The following IL4R variants were observed in gnomAD, a reference collection of about 807,000 sequenced individuals.
The protein encoded by IL4R is interleukin-4 receptor subunit alpha.
Under a neutral mutation model 41.5 loss-of-function variants are expected in IL4R, and 17 were observed. The ratio of observed to expected loss-of-function variants is 0.41; its 90% confidence interval spans 0.28 to 0.61. The LOEUF is 0.61. Ranked by LOEUF, IL4R falls within the 20% of genes least tolerant of loss-of-function variation. IL4R has a pLI of 0.31. For missense variants in IL4R, 974 were observed against 1,043.1 expected (o/e 0.93, Z 0.91); for synonymous variants, 402 against 422.9 (o/e 0.95, Z 0.61).
chr16:27,358,152 C>T (rs140373475), intron 8 of IL4R, among the ~76,000 whole-genome samples: 1 of 152,274 alleles, frequency 6.6e-6, no homozygotes, highest in African/African-American at 2.4e-5. Context: ...CCTTGGCCTC[C>T]CAAAGTGCTG....
intron 5 of IL4R, 98 bp from the exon 6 acceptor site, chr16:27,346,369 A>C: frequency 2.3e-6 from 3 of 1,297,842 alleles, no homozygotes; most frequent in Non-Finnish European, 3.3e-6. Flanking sequence ...TTGTCGACCA[A>C]AAATCTGGGT....
chr16:27,340,225 C>A lies in IL4R; in HGVS notation c.22C>A (p.Leu8Ile). 1 of 1,613,942 alleles carries A rather than the reference C, an allele frequency of 6.2e-7. No homozygotes were observed. The highest frequency in any genetic ancestry group is 8.5e-7 in the Non-Finnish European group (1 of 1,179,964). The change falls in exon 3 of 11, where the codon CTC becomes ATC. Residue 8 changes from leucine to isoleucine, a missense_variant. Leu to Ile is a conservative substitution (Grantham distance 5). Around this residue, in one of 3 missense-constraint regions of IL4R, gnomAD observed 284 missense variants for 313.4 expected, o/e 0.91. Coordinates refer to ENST00000395762, the MANE Select transcript of IL4R (RefSeq NM_000418.4). The part of the protein sequence containing the change: MGWLCSG[L>I]LFPVSCLVLL... ...CCCAATGGGGTGGCTTTGCTCTGGG[C>A]TCCTGTTCCCTGTGAGCTGCCTGGT... is the stretch of plus-strand genomic sequence containing the variant.
intron 9 of IL4R, among the ~76,000 whole-genome samples, chr16:27,360,380 G>A (rs553374838): frequency 3.3e-5 from 5 of 152,316 alleles, no homozygotes; most frequent in African/African-American, 9.6e-5. Flanking sequence ...TCTCCAGCAG[G>A]CCGGCCCAGG....
intron 1 of IL4R, among the ~76,000 whole-genome samples, chr16:27,325,651 C>T (rs2084936144): frequency 6.6e-6 from 1 of 151,784 alleles, no homozygotes; most frequent in Non-Finnish European, 1.5e-5. Context: ...GCTTAAAGCA[C>T]CTAGGCCAGT....
chr16:27,342,110 T>C lies in IL4R; in HGVS notation c.71-11T>C. On this transcript the variant is annotated splice_polypyrimidine_tract_variant and intron_variant, in intron 3 of 10. Transcript: ENST00000395762. ...TCCTGGGCCGCTCAGGCTGCTCCTG[T>C]GTCTCCCCAGGGAACATGAAGGTCT... 6.2e-7 allele frequency: 1 copy of C among 1,613,668 alleles called. No individual in the cohort carries two copies. The highest frequency in any genetic ancestry group is 8.5e-7 in the Non-Finnish European group (1 of 1,179,786).
At chr16:27,344,366 A>C (rs2085552467) in intron 4 of IL4R, among the ~76,000 whole-genome samples, 1 of 63,644 alleles carries the variant, frequency 1.6e-5, no homozygotes, top group African/African-American at 6.7e-5. Flanking sequence ...CAAATAACCA[A>C]AAAAAAAAAA....
chr16:27,314,406 A>G (rs2084568387), intron 1 of IL4R, among the ~76,000 whole-genome samples: 1 of 152,218 alleles, frequency 6.6e-6, no homozygotes, highest in Non-Finnish European at 1.5e-5. Context: ...TCGGAGAGAG[A>G]AAGGGTGGGG....
intron 1 of IL4R, among the ~76,000 whole-genome samples, chr16:27,325,267 C>T (rs937951400): frequency 1.3e-5 from 2 of 152,062 alleles, no homozygotes; most frequent in African/African-American, 2.4e-5. Context: ...TCACCCCGCC[C>T]TCTCATAAGA....
chr16:27,361,049 G>A (rs550890174), intron 10 of IL4R: 3 of 1,413,798 alleles, frequency 2.1e-6, no homozygotes, highest in East Asian at 2.6e-5. Flanking sequence ...TGGGAGTGCT[G>A]TTATAGTTAA....
Position 27,364,213 on chromosome 16 carries a change from T to C in IL4R, c.*383T>C. 1 of 189,052 alleles carries C rather than the reference T, an allele frequency of 5.3e-6. No homozygotes were observed. Among genetic ancestry groups the C allele is most frequent in the Non-Finnish European group, 1.1e-5 (1 of 92,354 alleles). 11.7% of individuals were successfully genotyped at this position (189,052 alleles called of 1,614,324 possible). ...AAGGCATGTTTTGCCCACCAGATCA[T>C]GGCCCACGTGGAGGCCCACCTGCCT... On this transcript the variant is annotated 3_prime_UTR_variant, in exon 11 of 11. Transcript: ENST00000395762.
rs141753659 is a variant in IL4R at position 27,345,376 on chromosome 16, G to A, written c.361+356G>A. The stretch of plus-strand genomic sequence containing the variant: ...TCCATTCTGTGTCCACTGGTCAGCT[G>A]CTGCGGCTTTGGATGGTCTTGACCG... On this transcript the variant is annotated intron_variant, in intron 5 of 10. Coordinates refer to ENST00000395762, the MANE Select transcript of IL4R (RefSeq NM_000418.4). This position sits in a 1 kb window ranked among gnomAD's most constrained non-coding sequence, Gnocchi z 4.5. The A allele has an allele frequency of 8.9e-5, 35 of 391,262 alleles. 2 individuals carry two copies. Among genetic ancestry groups the A allele is most frequent in the South Asian group, 6.7e-4 (34 of 51,050 alleles). The allele number at this position is 391,262 out of a possible 1,614,324, so 24.2% of individuals were successfully genotyped here. A position where few individuals can be genotyped will look rare whatever the true frequency, so the allele number is the denominator to read the frequency against.
intron 2 of IL4R, among the ~76,000 whole-genome samples, chr16:27,336,946 C>G (rs1179064554): frequency 1.3e-5 from 2 of 151,238 alleles, no homozygotes; most frequent in Non-Finnish European, 3.0e-5. Context: ...GGTGTGTGGC[C>G]CATGCCTGTA....
chr16:27,362,663 A>C lies in IL4R; in HGVS notation c.1311A>C (p.Gly437=), dbSNP rs1432981916. ...AGTCATGCCTTCTTCCACCTTCGGG[A>C]AGTACGAGTGCTCACATGCCCTGGG... is the stretch of plus-strand genomic sequence containing the variant. ...MGESCLLPPS[G]STSAHMPWDE... is the part of the protein sequence containing the mutation. The change falls in exon 11 of 11, where the codon GGA becomes GGC. Residue 437 remains glycine (G), a synonymous_variant. Transcript: ENST00000395762. 6.2e-7 allele frequency: 1 copy of C among 1,614,072 alleles called. No individual in the cohort carries two copies. The highest frequency in any genetic ancestry group is 8.5e-7 in the Non-Finnish European group (1 of 1,179,996).
rs1596745900 is a variant in IL4R at position 27,320,554 on chromosome 16, G to A, written c.-152+6534G>A. Among the ~76,000 whole-genome samples, 3 of 152,158 alleles carry A rather than the reference G, an allele frequency of 2.0e-5. No homozygotes were observed. The East Asian group carries it at 5.8e-4, about 29-fold the overall frequency. On this transcript the variant is annotated intron_variant, in intron 1 of 10. Coordinates refer to ENST00000395762, the MANE Select transcript of IL4R (RefSeq NM_000418.4). ...CACGGCTCCTAAGTGGCAGAGTCCA[G>A]ATTCAAACCCAGGGCTACAGACCCA...
At chr16:27,334,242 G>A (rs777068932) in intron 2 of IL4R, 1 of 152,054 alleles carries the variant, frequency 6.6e-6, no homozygotes. Flanking sequence ...GTACTTGAAC[G>A]CGATAACCTG....
intron 10 of IL4R, 61 bp downstream of exon 10, chr16:27,360,876 G>A: frequency 6.2e-7 from 1 of 1,613,880 alleles, no homozygotes; most frequent in Non-Finnish European, 8.5e-7. Flanking sequence ...AATTGGAGAG[G>A]CAAGCCCCTA....
chr16:27,359,933 A>AGGCTGGGCTG (rs1200924179), intron 9 of IL4R: 1 of 208,782 alleles, frequency 4.8e-6, no homozygotes. Flanking sequence ...GTGGCGGGGG[A>AGGCTGGGCTG]GGCTGGGCTG....
rs910286128 is a variant in IL4R, at chr16:27,341,085, C to T, written c.70+812C>T. 9 of 681,162 alleles carry T rather than the reference C, an allele frequency of 1.3e-5. 1 individual carries two copies. The highest frequency in any genetic ancestry group is 6.0e-5 in the South Asian group (4 of 66,506). The allele number at this position is 681,162 out of a possible 1,614,324, so 42.2% of individuals were successfully genotyped here. Reference sequence around the variant, plus strand: ...TGTTCCAAAGGACTCTTCAGGATGCCGTGTGGAGAAAGGAAGAGGGTGGAA... The same window carrying T: ...TGTTCCAAAGGACTCTTCAGGATGCTGTGTGGAGAAAGGAAGAGGGTGGAA... On this transcript the variant is annotated intron_variant, in intron 3 of 10. Transcript: ENST00000395762.
intron 7 of IL4R, among the ~76,000 whole-genome samples, chr16:27,353,673 AAAAT>A (rs1319679450): frequency 6.6e-6 from 1 of 152,058 alleles, no homozygotes; most frequent in Non-Finnish European, 1.5e-5. Flanking sequence ...TTAAAATTTT[AAAAT>A]AAATAGAGAC....
Sources: allele counts gnomAD v4.1 joint callset (sites outside exome capture counted in the v4.1 genomes callset), GRCh38; gene constraint gnomAD v4.1.1; regional missense constraint gnomAD v4.1.1; non-coding constraint Gnocchi (gnomAD v3.1); transcripts MANE v1.5; gene names NCBI Gene and HGNC (gene_info 2026-07-23, HGNC 2026-07-21).